The following RASGRF1 variants were observed in gnomAD, a reference collection of about 807,000 sequenced individuals.
RASGRF1 encodes Ras protein specific guanine nucleotide releasing factor 1.
A neutral mutation model predicts 138.7 loss-of-function variants in RASGRF1; 40 were observed. The ratio of observed to expected loss-of-function variants is 0.29; its 90% CI spans 0.22 to 0.38. RASGRF1 has a LOEUF of 0.38. Ranked by LOEUF, RASGRF1 falls within the 10% of genes least tolerant of loss-of-function variation. The probability of loss-of-function intolerance (pLI) is 1.00; values close to 1 mark genes in which losing one functional copy is unlikely to be tolerated. For synonymous variants in RASGRF1, 614 were observed against 663.2 expected, an observed-to-expected ratio of 0.93 and a Z score of 1.14; for missense variants, 1,108 against 1,650.4, an observed-to-expected ratio of 0.67 and a Z score of 5.69.
At chr15:79,060,187 T>G (rs1161630505) in intron 2 of RASGRF1, among the ~76,000 whole-genome samples, 1 of 152,160 alleles carries the variant, frequency 6.6e-6, no homozygotes, top group Non-Finnish European at 1.5e-5. Context: ...GATGATGATG[T>G]TGACTATTCT....
rs151209662 is a variant in RASGRF1, at chr15:79,031,293, C to A, written c.1262+107G>T. 6 of 860,918 alleles carry A rather than the reference C, an allele frequency of 7.0e-6. 1 individual carries two copies. The East Asian group carries it at 1.6e-4, about 23-fold the overall frequency. The allele number at this position is 860,918 out of a possible 1,614,324, so 53.3% of individuals were successfully genotyped here. A position where few individuals can be genotyped will look rare whatever the true frequency, so the allele number is the denominator to read the frequency against. On this transcript the variant is annotated intron_variant, in intron 8 of 26. Coordinates refer to ENST00000558480, the MANE Select transcript of RASGRF1 (RefSeq NM_001145648.3). ...GCAAGCTGTGCCCCTCCCTTACAAT[C>A]CCCATCTGAACTCAAGCTTTGTCAG...
chr15:78,998,239 T>G, intron 18 of RASGRF1, 31 bp from the exon 19 acceptor site: 4 of 1,573,726 alleles, frequency 2.5e-6, no homozygotes, highest in Non-Finnish European at 3.5e-6. Flanking sequence ...GTGGCTCTGG[T>G]TACTGTTTTT....
At chr15:78,995,160 C>CT (rs1300915649) in intron 20 of RASGRF1, among the ~76,000 whole-genome samples, 1 of 152,132 alleles carries the variant, frequency 6.6e-6, no homozygotes, top group Non-Finnish European at 1.5e-5. Context: ...AACTCCTGAC[C>CT]TTAAGTGATC....
chr15:79,000,900 G>T (rs963305686), intron 16 of RASGRF1, among the ~76,000 whole-genome samples: 11 of 152,208 alleles, frequency 7.2e-5, no homozygotes, highest in East Asian at 5.8e-4. Flanking sequence ...AGCCTGGATA[G>T]TGGGGAGTTC....
intron 2 of RASGRF1, among the ~76,000 whole-genome samples, chr15:79,062,255 C>A (rs2057617330): frequency 6.6e-6 from 1 of 152,234 alleles, no homozygotes; most frequent in Non-Finnish European, 1.5e-5. Flanking sequence ...ATTTGCTACT[C>A]AAAATAACTG....
chr15:79,090,763 C>G lies in RASGRF1; in HGVS notation c.-265G>C. ...ATGCCGCCCGACCCTCCTCCGGTGC[C>G]GGGCAAACTGAGGGACTGGCGATCT... is the stretch of plus-strand genomic sequence containing the variant. On this transcript the variant is annotated 5_prime_UTR_variant, in exon 1 of 27. Coordinates refer to ENST00000558480, the MANE Select transcript of RASGRF1 (RefSeq NM_001145648.3). 6.0e-6 allele frequency: 3 copies of G among 498,812 alleles called. No homozygotes were observed. The highest frequency in any genetic ancestry group is 1.0e-5 in the Non-Finnish European group (3 of 286,096). The allele number at this position is 498,812 out of a possible 1,614,324, so 30.9% of individuals were successfully genotyped here.
At chr15:79,019,801 T>C (rs1001915597) in intron 11 of RASGRF1, among the ~76,000 whole-genome samples, 1 of 152,220 alleles carries the variant, frequency 6.6e-6, no homozygotes, top group African/African-American at 2.4e-5. Flanking sequence ...CTGGGAGCTC[T>C]TTCTTTAAAG....
chr15:78,977,044 C>A (rs1477199434), intron 24 of RASGRF1, among the ~76,000 whole-genome samples: 1 of 152,236 alleles, frequency 6.6e-6, no homozygotes, highest in Admixed American at 6.5e-5. Context: ...ATGTTTCTTT[C>A]CACCAAGACG....
At chr15:79,075,786 T>C (rs79039185) in intron 1 of RASGRF1, among the ~76,000 whole-genome samples, 1 of 152,312 alleles carries the variant, frequency 6.6e-6, no homozygotes, top group African/African-American at 2.4e-5. Context: ...CCTCCATAGC[T>C]GAGTCTGGGT....
intron 4 of RASGRF1, among the ~76,000 whole-genome samples, chr15:79,048,155 C>T (rs966574398): frequency 4.6e-5 from 7 of 152,262 alleles, no homozygotes; most frequent in South Asian, 4.1e-4. Context: ...TAGAGAACAC[C>T]GGTCAGGGCG....
chr15:79,061,431 TCATTC>T (rs2057605749), intron 2 of RASGRF1, among the ~76,000 whole-genome samples: 2 of 144,588 alleles, frequency 1.4e-5, no homozygotes, highest in Non-Finnish European at 3.0e-5. Context: ...TATATATATA[TCATTC>T]ATTTTTAAAA....
intron 5 of RASGRF1, among the ~76,000 whole-genome samples, chr15:79,035,639 C>T (rs1425330086): frequency 2.0e-5 from 3 of 152,220 alleles, no homozygotes; most frequent in African/African-American, 4.8e-5. Flanking sequence ...CATGGATCAA[C>T]GGAAGAGCTA....
chr15:79,037,527 C>T (rs1170500333), intron 5 of RASGRF1, among the ~76,000 whole-genome samples: 4 of 151,902 alleles, frequency 2.6e-5, no homozygotes, highest in South Asian at 2.1e-4. Context: ...GGCGCGATCT[C>T]GGCTCACTGC....
intron 14 of RASGRF1, chr15:79,005,419 G>T: frequency 1.0e-6 from 1 of 985,374 alleles, no homozygotes; most frequent in Non-Finnish European, 1.2e-6. Context: ...GAGCCTCTGA[G>T]CCTCTGAGGG....
Position 78,971,756 on chromosome 15 carries a change from A to G in RASGRF1, c.3681+110T>C, listed in dbSNP as rs1567423588. 1.8e-5 allele frequency: 19 copies of G among 1,057,776 alleles called. 1 individual carries two copies. Among genetic ancestry groups the G allele is most frequent in the Non-Finnish European group, 4.4e-6 (3 of 680,080 alleles). The allele number at this position is 1,057,776 out of a possible 1,614,324, so 65.5% of individuals were successfully genotyped here. ...AGGGATGGCATTTGAGCTGGGCTCG[A>G]GAGAATTCTGGAAGGGAAAGTGGAC... is the stretch of plus-strand genomic sequence containing the variant. On this transcript the variant is annotated intron_variant, in intron 26 of 26. Transcript: ENST00000558480.
intron 1 of RASGRF1, among the ~76,000 whole-genome samples, chr15:79,071,474 C>T (rs1179240830): frequency 6.6e-6 from 1 of 151,910 alleles, no homozygotes; most frequent in Non-Finnish European, 1.5e-5. Flanking sequence ...ATTCTCCTGC[C>T]TCAGCCTCCC....
In RASGRF1 at chr15:79,064,481, C is replaced by T; in HGVS notation, c.322G>A (p.Glu108Lys). Residue 108 changes from glutamate (E) to lysine (K), a missense_variant, in exon 2 of 27, where the codon GAG becomes AAG. Physicochemically the swap from Glu to Lys is moderately conservative, Grantham distance 56. Transcript: ENST00000558480. ...TCTTTTGCGTCCTCTGTCCTCAGCT[C>T]CAAGGCTTTCTGGTTCTCATGGCTG... is the stretch of plus-strand genomic sequence containing the variant. Reference protein sequence around the residue: ...NFSHENQKALELRTEDAKDCD... With the variant: ...NFSHENQKALKLRTEDAKDCD... 1 of 1,614,214 alleles carries T rather than the reference C, an allele frequency of 6.2e-7. No individual in the cohort carries two copies. The highest frequency in any genetic ancestry group is 8.5e-7 in the Non-Finnish European group (1 of 1,180,038).
chr15:78,978,594 T>G (rs892458127), intron 24 of RASGRF1: 18 of 989,622 alleles, frequency 1.8e-5, no homozygotes, highest in Non-Finnish European at 2.0e-5. Flanking sequence ...CAGACCAACA[T>G]GGTGAGGCCC....
chr15:78,988,769 T>G (rs943055086), intron 22 of RASGRF1, among the ~76,000 whole-genome samples: 3 of 151,070 alleles, frequency 2.0e-5, no homozygotes, highest in South Asian at 2.1e-4. Context: ...GTCACGAGGC[T>G]GGGAGTGGAC....
Sources: allele counts gnomAD v4.1 joint callset (sites outside exome capture counted in the v4.1 genomes callset), GRCh38; gene constraint gnomAD v4.1.1; transcripts MANE v1.5; gene names NCBI Gene and HGNC (gene_info 2026-07-23, HGNC 2026-07-21).